The following CYFIP2 variants were observed in gnomAD, a reference collection of about 807,000 sequenced individuals.
CYFIP2 encodes cytoplasmic FMR1-interacting protein 2.
A neutral mutation model predicts 158.7 loss-of-function variants in CYFIP2; 29 were observed. The observed-to-expected ratio is 0.18, with a 90% CI of 0.14 to 0.25. CYFIP2 has a LOEUF of 0.25. Ranked by LOEUF, CYFIP2 falls within the 10% of genes least tolerant of loss-of-function variation. The pLI is 1.00. For missense variants in CYFIP2, 852 were observed against 1,639.5 expected (o/e 0.52, Z 8.29); for synonymous variants, 585 against 617.6 (o/e 0.95, Z 0.78).
chr5:157,335,259 GT>G (rs1193419471), intron 21 of CYFIP2, among the ~76,000 whole-genome samples: 4 of 152,056 alleles, frequency 2.6e-5, no homozygotes, highest in Non-Finnish European at 5.9e-5. Flanking sequence ...GATACTACCT[GT>G]TTTTTTGTTT....
chr5:157,393,835 G>C lies in CYFIP2; in HGVS notation c.*835G>C, dbSNP rs898819383. On this transcript the variant is annotated 3_prime_UTR_variant, in exon 31 of 31. Transcript: ENST00000620254. ...AGCAGCTTTGAACAAATCAGTCATA[G>C]CACTGCCTATAGCATTAGCCAGTGA... 2 of 152,226 alleles carry C rather than the reference G, an allele frequency of 1.3e-5. No individual in the cohort carries two copies. The highest frequency in any genetic ancestry group is 6.5e-5 in the Admixed American group (1 of 15,278). The allele number at this position is 152,226 out of a possible 1,614,324, so 9.4% of individuals were successfully genotyped here.
At chr5:157,313,366 T>G (rs1759894878) in intron 11 of CYFIP2, among the ~76,000 whole-genome samples, 1 of 152,234 alleles carries the variant, frequency 6.6e-6, no homozygotes. Flanking sequence ...AACACGTATT[T>G]TTTTTCCATA....
chr5:157,365,523 GGTT>G (rs1581153387), intron 26 of CYFIP2: 2 of 152,030 alleles, frequency 1.3e-5, no homozygotes, highest in East Asian at 3.9e-4. Context: ...TCTGGTTTTT[GGTT>G]TTTATAGGGT....
chr5:157,320,864 T>C, intron 15 of CYFIP2, 62 bp downstream of exon 15: 8 of 1,456,546 alleles, frequency 5.5e-6, no homozygotes, highest in South Asian at 1.5e-5. Context: ...CTATGGTAGA[T>C]CATCATGGCT....
chr5:157,371,965 T>C (rs370053639), intron 26 of CYFIP2, among the ~76,000 whole-genome samples: 9 of 152,232 alleles, frequency 5.9e-5, no homozygotes, highest in Admixed American at 5.2e-4. Context: ...ACTTGGTACA[T>C]GCAAAACTAC....
intron 1 of CYFIP2, among the ~76,000 whole-genome samples, chr5:157,269,018 G>A (rs560814150): frequency 6.6e-6 from 1 of 152,134 alleles, no homozygotes; most frequent in South Asian, 2.1e-4. Flanking sequence ...TGTATTTATT[G>A]TTATAATGTA....
chr5:157,319,277 A>G (rs1274150471), intron 13 of CYFIP2, among the ~76,000 whole-genome samples: 1 of 152,210 alleles, frequency 6.6e-6, no homozygotes, highest in Non-Finnish European at 1.5e-5. Context: ...TATAAACTCA[A>G]GCAGCAACTG....
intron 8 of CYFIP2, among the ~76,000 whole-genome samples, chr5:157,306,877 C>T (rs549716896): frequency 4.1e-5 from 6 of 146,978 alleles, no homozygotes; most frequent in African/African-American, 1.5e-4. Flanking sequence ...GGGTAGGGAA[C>T]AGAGTGAGGC....
At chr5:157,352,858 A>G (rs1763160499) in intron 23 of CYFIP2, among the ~76,000 whole-genome samples, 1 of 152,176 alleles carries the variant, frequency 6.6e-6, no homozygotes, top group African/African-American at 2.4e-5. Context: ...CGTAAGTGTC[A>G]TAAGGGAGAA....
chr5:157,332,620 G>C lies in CYFIP2; in HGVS notation c.2266-707G>C, dbSNP rs187689670. ...TCCAGTTTCTTATCGGTGCATGCAC[G>C]TAGTTGTCAGGTGTCAGCGCGAATC... On this transcript the variant is annotated intron_variant, in intron 20 of 30. Coordinates refer to ENST00000620254, the MANE Select transcript of CYFIP2 (RefSeq NM_001037333.3). Among the ~76,000 whole-genome samples the C allele has an allele frequency of 9.3e-4, 142 of 152,284 alleles. 1 individual carries two copies. Among genetic ancestry groups the C allele is most frequent in the African/African-American group, 3.2e-3 (131 of 41,546 alleles).
At chr5:157,299,410 C>T (rs1341345964) in intron 5 of CYFIP2, among the ~76,000 whole-genome samples, 2 of 152,160 alleles carry the variant, frequency 1.3e-5, no homozygotes, top group Admixed American at 1.3e-4. Flanking sequence ...TTGAGTTACC[C>T]CATAAGCCTC....
intron 3 of CYFIP2, among the ~76,000 whole-genome samples, chr5:157,287,983 C>G (rs566760549): frequency 6.6e-6 from 1 of 151,960 alleles, no homozygotes; most frequent in Non-Finnish European, 1.5e-5. Context: ...GTCGCAGCTA[C>G]GTGGGAGGCT....
intron 3 of CYFIP2, among the ~76,000 whole-genome samples, chr5:157,293,504 A>G (rs1397386105): frequency 2.0e-5 from 3 of 152,170 alleles, no homozygotes; most frequent in Non-Finnish European, 4.4e-5. Flanking sequence ...AAAAATTGAT[A>G]TTAATCATTT....
chr5:157,332,022 C>G (rs937539845), intron 20 of CYFIP2, among the ~76,000 whole-genome samples: 1 of 152,154 alleles, frequency 6.6e-6, no homozygotes, highest in African/African-American at 2.4e-5. Flanking sequence ...TTTAAATTTT[C>G]CCTCATGAAG....
chr5:157,369,879 G>GTTTGGTTTT (rs1764806138), intron 26 of CYFIP2, among the ~76,000 whole-genome samples: 1 of 103,306 alleles, frequency 9.7e-6, no homozygotes, highest in South Asian at 3.0e-4. Flanking sequence ...AATGGACCTA[G>GTTTGGTTTT]TTTTTTTTTT....
chr5:157,311,915 A>G lies in CYFIP2; in HGVS notation c.1110+134A>G, dbSNP rs1759759994. On this transcript the variant is annotated intron_variant, in intron 11 of 30. Coordinates refer to ENST00000620254, the MANE Select transcript of CYFIP2 (RefSeq NM_001037333.3). The surrounding 1 kb of genome is among the most constrained non-coding windows in gnomAD (Gnocchi z 4.7). The stretch of plus-strand genomic sequence containing the variant: ...GGGAGGCAGGAGGGTAAAGTGGCCA[A>G]CAGCAGGGGTTTTGGAGCCAGGCAG... The G allele has an allele frequency of 1.1e-5, 9 of 787,060 alleles. No homozygotes were observed. In the Admixed American group the frequency reaches 2.5e-4, roughly 22 times the overall value. 48.8% of individuals were successfully genotyped at this position (787,060 alleles called of 1,614,324 possible). A position where few individuals can be genotyped will look rare whatever the true frequency, so the allele number is the denominator to read the frequency against.
chr5:157,368,922 A>AGAG (rs1449507905), intron 26 of CYFIP2, among the ~76,000 whole-genome samples: 1 of 148,396 alleles, frequency 6.7e-6, no homozygotes, highest in East Asian at 2.0e-4. Context: ...TTTTTGAGAC[A>AGAG]GAGTCTCACT....
intron 3 of CYFIP2, among the ~76,000 whole-genome samples, chr5:157,287,754 T>C (rs1337010943): frequency 3.3e-5 from 5 of 152,196 alleles, no homozygotes; most frequent in African/African-American, 1.2e-4. Flanking sequence ...TAGCTCGTTT[T>C]GTGATGCTAT....
chr5:157,273,569 G>A (rs1301784290), intron 1 of CYFIP2, among the ~76,000 whole-genome samples: 1 of 152,026 alleles, frequency 6.6e-6, no homozygotes, highest in Non-Finnish European at 1.5e-5. Context: ...TGCAGTTTAG[G>A]GGGCTGCTCT....
Sources: allele counts gnomAD v4.1 joint callset (sites outside exome capture counted in the v4.1 genomes callset), GRCh38; gene constraint gnomAD v4.1.1; non-coding constraint Gnocchi (gnomAD v3.1); transcripts MANE v1.5; gene names NCBI Gene and HGNC (gene_info 2026-07-23, HGNC 2026-07-21).